ATF1: variants seen among roughly 807,000 people sequenced by gnomAD.
The protein encoded by ATF1 is activating transcription factor 1, also known as cyclic AMP-dependent transcription factor ATF-1.
Under a neutral mutation model 34.7 loss-of-function variants are expected in ATF1, and 16 were observed. The ratio of observed to expected loss-of-function variants is 0.46; its 90% CI spans 0.31 to 0.70. The LOEUF (loss-of-function observed/expected upper bound fraction) is 0.70, where lower values mean the gene tolerates loss of function less well. Ranked by LOEUF, ATF1 falls within the 30% of genes least tolerant of loss-of-function variation. The pLI is 0.05. For missense variants in ATF1, 255 were observed against 321.6 expected, an observed-to-expected ratio of 0.79 and a Z score of 1.58; for synonymous variants, 105 against 113.1, an observed-to-expected ratio of 0.93 and a Z score of 0.46.
chr12:50,780,249 G>T lies in ATF1; in HGVS notation c.93+11G>T, dbSNP rs1941027167. On this transcript the variant is annotated intron_variant, in intron 2 of 6. Coordinates refer to ENST00000262053, the MANE Select transcript of ATF1 (RefSeq NM_005171.5). ...CATATTGCTCAACAGGTAAGGGAGG[G>T]ACTGGCCAAAATACTGAGCTTGTTA... 6.3e-7 allele frequency: 1 copy of T among 1,583,804 alleles called. No individual in the cohort carries two copies. The highest frequency in any genetic ancestry group is 1.1e-5 in the South Asian group (1 of 89,502).
At chr12:50,801,202 A>T (rs967098906) in intron 3 of ATF1, among the ~76,000 whole-genome samples, 1 of 152,188 alleles carries the variant, frequency 6.6e-6, no homozygotes, top group African/African-American at 2.4e-5. Context: ...ATAAAGAGGG[A>T]AATATAAACA....
At chr12:50,805,862 A>G (rs1047108630) in intron 3 of ATF1, among the ~76,000 whole-genome samples, 5 of 152,050 alleles carry the variant, frequency 3.3e-5, no homozygotes, top group South Asian at 2.1e-4. Context: ...GTTGAGAAAA[A>G]AAATAAAGCC....
chr12:50,781,186 C>A (rs919862295), intron 2 of ATF1, among the ~76,000 whole-genome samples: 1 of 152,044 alleles, frequency 6.6e-6, no homozygotes. Context: ...TGATAGAAAA[C>A]GGCATGGTAT....
At chr12:50,809,391 AAAAATT>A in intron 3 of ATF1, 59 bp from the exon 4 acceptor site, 5 of 1,320,858 alleles carry the variant, frequency 3.8e-6, no homozygotes, top group South Asian at 1.4e-5. Flanking sequence ...AAAAAAAAAA[AAAAATT>A]ATTTTTGTGA....
intron 1 of ATF1, among the ~76,000 whole-genome samples, chr12:50,765,233 C>T (rs1213278111): frequency 6.6e-6 from 1 of 152,194 alleles, no homozygotes; most frequent in Non-Finnish European, 1.5e-5. Flanking sequence ...ATTTATGTCT[C>T]AGAATGCATT....
chr12:50,786,859 T>C (rs1350878853), intron 2 of ATF1, among the ~76,000 whole-genome samples: 1 of 151,964 alleles, frequency 6.6e-6, no homozygotes, highest in Non-Finnish European at 1.5e-5. Context: ...AATCTACCCC[T>C]GGGGGAGGGA....
At chr12:50,782,446 A>G (rs910830354) in intron 2 of ATF1, among the ~76,000 whole-genome samples, 3 of 150,820 alleles carry the variant, frequency 2.0e-5, no homozygotes, top group Non-Finnish European at 4.4e-5. Context: ...TACTAGAGAC[A>G]GGGTTTCATC....
chr12:50,788,937 T>A (rs1232836366), intron 2 of ATF1, among the ~76,000 whole-genome samples: 3 of 152,232 alleles, frequency 2.0e-5, no homozygotes, highest in Non-Finnish European at 2.9e-5. Flanking sequence ...CAAAGTGCTA[T>A]CTTGTGTTCT....
intron 2 of ATF1, among the ~76,000 whole-genome samples, chr12:50,790,114 T>C (rs535612382): frequency 1.3e-5 from 2 of 152,244 alleles, no homozygotes; most frequent in Non-Finnish European, 2.9e-5. Context: ...GCTTCAGTTA[T>C]TGAAAGGTGG....
intron 2 of ATF1, chr12:50,788,278 G>A: frequency 2.2e-6 from 1 of 450,234 alleles, no homozygotes. Flanking sequence ...GACCTCCTGT[G>A]CTCAAGCAAT....
chr12:50,796,975 T>TA (rs1358990810), intron 3 of ATF1, among the ~76,000 whole-genome samples: 1 of 152,128 alleles, frequency 6.6e-6, no homozygotes, highest in Admixed American at 6.6e-5. Flanking sequence ...AAAGGCAACT[T>TA]ACGGACTGGG....
At chr12:50,807,957 G>A (rs1224563461) in intron 3 of ATF1, among the ~76,000 whole-genome samples, 1 of 151,894 alleles carries the variant, frequency 6.6e-6, no homozygotes, top group African/African-American at 2.4e-5. Flanking sequence ...TTACAGGCGT[G>A]AGCCACCATG....
chr12:50,777,134 A>G (rs1436157452), intron 1 of ATF1, among the ~76,000 whole-genome samples: 4 of 152,180 alleles, frequency 2.6e-5, no homozygotes, highest in Non-Finnish European at 5.9e-5. Flanking sequence ...GATTACAGGC[A>G]TGAGCCACAC....
intron 1 of ATF1, among the ~76,000 whole-genome samples, chr12:50,778,146 G>A (rs1222585500): frequency 6.6e-6 from 1 of 151,374 alleles, no homozygotes; most frequent in Non-Finnish European, 1.5e-5. Context: ...AAACTCCTGG[G>A]CTCATGTTAT....
In ATF1 at chr12:50,821,111, C is replaced by CATTT. The variant is rs1941940625; in HGVS notation, c.*1333_*1336dup. 5.6e-6 allele frequency: 1 copy of CATTT among 177,424 alleles called. No individual in the cohort carries two copies. The highest frequency in any genetic ancestry group is 1.2e-5 in the Non-Finnish European group (1 of 82,558). The allele number at this position is 177,424 out of a possible 1,614,324, so 11.0% of individuals were successfully genotyped here. On this transcript the variant is annotated 3_prime_UTR_variant, in exon 7 of 7. Transcript: ENST00000262053. ...TATTGTTGTCTGTGAAATTAAAGGA[C>CATTT]ATTTGATAGTCTACTGAATGTAAAA...
At chr12:50,808,810 A>G (rs945801758) in intron 3 of ATF1, among the ~76,000 whole-genome samples, 1 of 146,414 alleles carries the variant, frequency 6.8e-6, no homozygotes, top group Non-Finnish European at 1.5e-5. Context: ...CGCGACCTCG[A>G]CTCACTGCAA....
intron 2 of ATF1, among the ~76,000 whole-genome samples, chr12:50,781,513 C>T (rs982429605): frequency 1.3e-5 from 2 of 151,910 alleles, no homozygotes; most frequent in African/African-American, 2.4e-5. Flanking sequence ...TGCAGTGGTA[C>T]GATCTCGGGT....
intron 1 of ATF1, among the ~76,000 whole-genome samples, chr12:50,772,205 G>A (rs183786908): frequency 8.0e-4 from 122 of 152,164 alleles, no homozygotes; most frequent in Non-Finnish European, 1.2e-4. Context: ...GGGCTCAAGC[G>A]ATCCTATCGC....
At chr12:50,765,514 T>C (rs1286666823) in intron 1 of ATF1, among the ~76,000 whole-genome samples, 1 of 149,134 alleles carries the variant, frequency 6.7e-6, no homozygotes, top group Non-Finnish European at 1.5e-5. Flanking sequence ...TTTGTTTTGT[T>C]TTGTTTGTTT....
Sources: gnomAD v4.1 joint callset for allele counts (sites outside exome capture counted in the v4.1 genomes callset) on GRCh38, gnomAD v4.1.1 for gene constraint, MANE v1.5 for transcripts, NCBI Gene and HGNC (gene_info 2026-07-23, HGNC 2026-07-21) for gene names.